DAAM1: variants seen among roughly 807,000 people sequenced by gnomAD.
The protein encoded by DAAM1 is dishevelled associated activator of morphogenesis 1.
DAAM1 carries 52 observed loss-of-function variants against 130.0 expected under a neutral mutation model. The ratio of observed to expected loss-of-function variants is 0.40; its 90% CI spans 0.32 to 0.50. The LOEUF is 0.50. Among genes scored for constraint, DAAM1 ranks in the 20% least tolerant of loss-of-function variants. The probability of loss-of-function intolerance (pLI) is 0.61; values close to 1 mark genes in which losing one functional copy is unlikely to be tolerated. For synonymous variants in DAAM1, 452 were observed against 444.5 expected (o/e 1.02, Z -0.21); for missense variants, 1,134 against 1,303.8 (o/e 0.87, Z 2.01).
chr14:59,266,894 C>A (rs1566675487), intron 2 of DAAM1, among the ~76,000 whole-genome samples: 1 of 152,162 alleles, frequency 6.6e-6, no homozygotes, highest in Non-Finnish European at 1.5e-5. Flanking sequence ...AAGATTATTT[C>A]TGTTTGAATT....
intron 2 of DAAM1, among the ~76,000 whole-genome samples, chr14:59,273,356 T>C (rs1882813018): frequency 6.6e-6 from 1 of 152,174 alleles, no homozygotes; most frequent in African/African-American, 2.4e-5. Context: ...GCTTCTTATA[T>C]CTTAATATTA....
At chr14:59,229,106 G>A (rs942681241) in intron 1 of DAAM1, among the ~76,000 whole-genome samples, 13 of 152,246 alleles carry the variant, frequency 8.5e-5, no homozygotes, top group East Asian at 1.9e-4. Flanking sequence ...AAGACTCCTC[G>A]CAGGGTGTTT....
chr14:59,231,797 C>G (rs534200078), intron 1 of DAAM1, among the ~76,000 whole-genome samples: 12 of 152,150 alleles, frequency 7.9e-5, no homozygotes, highest in Non-Finnish European at 1.6e-4. Flanking sequence ...TTGGTCAACA[C>G]CGAGGAGGTC....
intron 1 of DAAM1, among the ~76,000 whole-genome samples, chr14:59,203,694 G>C (rs1888180316): frequency 6.6e-6 from 1 of 152,154 alleles, no homozygotes; most frequent in African/African-American, 2.4e-5. Flanking sequence ...TCCTAATCAT[G>C]AGCTAGGGTA....
At position 59,197,177 on chromosome 14, in the gene DAAM1, C is replaced by T. The variant is rs140834433; in HGVS notation, c.-38+8409C>T. Among the ~76,000 whole-genome samples the T allele has an allele frequency of 1.7e-3, 265 of 152,342 alleles. 1 individual carries two copies. Among genetic ancestry groups the T allele is most frequent in the African/African-American group, 6.0e-3 (251 of 41,594 alleles). ...CCTCGTGATCCGCCCGACTCAGCCT[C>T]CCAAAGTGCTGGGATTACAGGCGTG... On this transcript the variant is annotated intron_variant, in intron 1 of 24. Transcript: ENST00000360909.
At chr14:59,279,246 G>A (rs768424627) in intron 2 of DAAM1, among the ~76,000 whole-genome samples, 9 of 152,034 alleles carry the variant, frequency 5.9e-5, no homozygotes, top group African/African-American at 1.7e-4. Context: ...ACAATCATCC[G>A]CTTTCTGGCT....
intron 5 of DAAM1, among the ~76,000 whole-genome samples, chr14:59,322,410 T>G (rs967250849): frequency 1.3e-5 from 2 of 151,670 alleles, no homozygotes; most frequent in Admixed American, 1.3e-4. Flanking sequence ...TAGTCCCGGC[T>G]ACTTGGGAGG....
chr14:59,308,336 T>C (rs571338603), intron 3 of DAAM1, among the ~76,000 whole-genome samples: 252 of 152,332 alleles, frequency 1.7e-3, no homozygotes, highest in African/African-American at 5.9e-3. Context: ...AATTTCTGGC[T>C]TGTAAAAGGG....
intron 15 of DAAM1, chr14:59,338,499 G>A (rs1220388370): frequency 8.8e-6 from 13 of 1,476,960 alleles, no homozygotes; most frequent in Admixed American, 5.3e-5. Context: ...CCAGGGTTTT[G>A]TTTTTGTTTT....
intron 1 of DAAM1, among the ~76,000 whole-genome samples, chr14:59,217,142 C>G (rs1409841638): frequency 2.0e-5 from 3 of 152,114 alleles, no homozygotes; most frequent in Non-Finnish European, 4.4e-5. Context: ...GTAGGGTAAC[C>G]TGGCTCTTCC....
chr14:59,273,729 A>G (rs969303450), intron 2 of DAAM1, among the ~76,000 whole-genome samples: 2 of 152,240 alleles, frequency 1.3e-5, no homozygotes, highest in Non-Finnish European at 2.9e-5. Flanking sequence ...TTTGATCTTT[A>G]TAAGTAGTGT....
At chr14:59,239,096 C>A (rs573937605) in intron 1 of DAAM1, among the ~76,000 whole-genome samples, 9 of 152,144 alleles carry the variant, frequency 5.9e-5, no homozygotes, top group African/African-American at 2.2e-4. Flanking sequence ...TTGCCTGTGC[C>A]TCTCTCTTTT....
chr14:59,216,872 A>G (rs149696785), intron 1 of DAAM1, among the ~76,000 whole-genome samples: 243 of 152,068 alleles, frequency 1.6e-3, no homozygotes, highest in African/African-American at 5.2e-3. Flanking sequence ...AATTGGAACT[A>G]TAAAGAATTG....
intron 1 of DAAM1, among the ~76,000 whole-genome samples, chr14:59,191,101 C>T (rs1200508687): frequency 6.6e-6 from 1 of 152,124 alleles, no homozygotes; most frequent in African/African-American, 2.4e-5. Flanking sequence ...TACCAATGTG[C>T]ATTATCACAG....
At chr14:59,248,933 G>A (rs997713949) in intron 1 of DAAM1, among the ~76,000 whole-genome samples, 12 of 152,050 alleles carry the variant, frequency 7.9e-5, no homozygotes, top group African/African-American at 9.7e-5. Context: ...GACTACAGGC[G>A]CCCACCACCA....
chr14:59,200,611 T>G (rs1888068426), intron 1 of DAAM1, among the ~76,000 whole-genome samples: 1 of 152,214 alleles, frequency 6.6e-6, no homozygotes, highest in Non-Finnish European at 1.5e-5. Flanking sequence ...CCAACCCAAG[T>G]TCCTTTCTTG....
At chr14:59,191,734 T>G (rs765034268) in intron 1 of DAAM1, among the ~76,000 whole-genome samples, 14 of 152,190 alleles carry the variant, frequency 9.2e-5, no homozygotes, top group Non-Finnish European at 1.8e-4. Context: ...TGCACTATCC[T>G]TGGCCCAGAT....
At chr14:59,280,558 T>C (rs201596358) in intron 2 of DAAM1, among the ~76,000 whole-genome samples, 1 of 146,578 alleles carries the variant, frequency 6.8e-6, no homozygotes, top group Non-Finnish European at 1.5e-5. Context: ...TTTTTTTTTT[T>C]CATTTCTGCT....
At chr14:59,252,423 T>G (rs1333127157) in intron 1 of DAAM1, among the ~76,000 whole-genome samples, 1 of 152,228 alleles carries the variant, frequency 6.6e-6, no homozygotes, top group Non-Finnish European at 1.5e-5. Context: ...GATTGGAATA[T>G]TAAACCTGCT....
Sources: allele counts gnomAD v4.1 joint callset (sites outside exome capture counted in the v4.1 genomes callset), GRCh38; gene constraint gnomAD v4.1.1; transcripts MANE v1.5; gene names NCBI Gene and HGNC (gene_info 2026-07-23, HGNC 2026-07-21).